Variants in CNTNAP5 observed in about 807,000 individuals in gnomAD.
CNTNAP5 encodes the protein contactin-associated protein-like 5.
CNTNAP5 carries 72 observed loss-of-function variants against 150.2 expected under a neutral mutation model. The ratio of observed to expected loss-of-function variants is 0.48; its 90% CI spans 0.40 to 0.58. CNTNAP5 has a LOEUF of 0.58. Ranked by LOEUF, CNTNAP5 falls within the 20% of genes least tolerant of loss-of-function variation. The probability of loss-of-function intolerance (pLI) is 0.00; values close to 1 mark genes in which losing one functional copy is unlikely to be tolerated. For missense variants in CNTNAP5, 1,636 were observed against 1,626.2 expected (o/e 1.01, Z -0.10); for synonymous variants, 672 against 619.8 (o/e 1.08, Z -1.25).
intron 12 of CNTNAP5, among the ~76,000 whole-genome samples, chr2:124,612,844 G>T (rs1199199370): frequency 6.6e-6 from 1 of 152,156 alleles, no homozygotes; most frequent in Non-Finnish European, 1.5e-5. Context: ...TTTGAGGTCA[G>T]GAGTTCGAGA....
intron 7 of CNTNAP5, among the ~76,000 whole-genome samples, chr2:124,479,932 G>A (rs983331120): frequency 1.3e-5 from 2 of 152,162 alleles, no homozygotes; most frequent in Non-Finnish European, 2.9e-5. Flanking sequence ...GATTAAATCT[G>A]CAATACCCTT....
At chr2:124,041,939 G>T (rs761402560) in intron 1 of CNTNAP5, among the ~76,000 whole-genome samples, 3 of 152,096 alleles carry the variant, frequency 2.0e-5, no homozygotes, top group Non-Finnish European at 4.4e-5. Context: ...TCACCTCACT[G>T]CAACCACCAT....
intron 3 of CNTNAP5, among the ~76,000 whole-genome samples, chr2:124,315,484 T>C (rs1057046993): frequency 6.6e-6 from 1 of 152,204 alleles, no homozygotes; most frequent in Non-Finnish European, 1.5e-5. Context: ...ACAAGGCTTC[T>C]GCTCGGCTAT....
intron 3 of CNTNAP5, among the ~76,000 whole-genome samples, chr2:124,330,731 C>T (rs1689329617): frequency 6.6e-6 from 1 of 151,822 alleles, no homozygotes; most frequent in South Asian, 2.1e-4. Flanking sequence ...AGCATGAGAA[C>T]AGACCAATAC....
At chr2:124,823,967 G>A (rs1682541533) in intron 19 of CNTNAP5, among the ~76,000 whole-genome samples, 1 of 148,206 alleles carries the variant, frequency 6.7e-6, no homozygotes, top group South Asian at 2.1e-4. Context: ...TTCCCAGGCT[G>A]AAGTGCAATG....
intron 8 of CNTNAP5, among the ~76,000 whole-genome samples, chr2:124,508,002 C>G (rs1398843701): frequency 1.3e-5 from 2 of 151,982 alleles, no homozygotes; most frequent in East Asian, 3.9e-4. Context: ...CAGCTTGTGT[C>G]CAAATGGAGG....
intron 17 of CNTNAP5, among the ~76,000 whole-genome samples, chr2:124,779,112 G>A (rs1350691016): frequency 6.6e-6 from 1 of 152,202 alleles, no homozygotes; most frequent in African/African-American, 2.4e-5. Flanking sequence ...TCTGTGGCTG[G>A]GAGTGCTGTT....
chr2:124,344,112 C>T (rs1348056148), intron 3 of CNTNAP5, among the ~76,000 whole-genome samples: 1 of 152,136 alleles, frequency 6.6e-6, no homozygotes, highest in Non-Finnish European at 1.5e-5. Flanking sequence ...CCCCACCTCC[C>T]AATGCAAACA....
At chr2:124,394,402 G>A (rs929903087) in intron 3 of CNTNAP5, among the ~76,000 whole-genome samples, 95 of 151,324 alleles carry the variant, frequency 6.3e-4, no homozygotes, top group African/African-American at 2.0e-3. Flanking sequence ...AAGAAAAAAG[G>A]TAATAAATAA....
chr2:124,185,697 T>C (rs992620388), intron 1 of CNTNAP5, among the ~76,000 whole-genome samples: 2 of 151,122 alleles, frequency 1.3e-5, no homozygotes, highest in African/African-American at 4.9e-5. Context: ...CAGGATAGGG[T>C]CTACCAATGA....
chr2:124,404,555 A>G (rs1403713489), intron 3 of CNTNAP5, among the ~76,000 whole-genome samples: 1 of 152,214 alleles, frequency 6.6e-6, no homozygotes, highest in East Asian at 1.9e-4. Context: ...AGGTTCTTCC[A>G]TTCATTAACC....
intron 3 of CNTNAP5, among the ~76,000 whole-genome samples, chr2:124,272,757 C>G (rs1052801452): frequency 6.6e-6 from 1 of 151,974 alleles, no homozygotes; most frequent in African/African-American, 2.4e-5. Flanking sequence ...TGTGCAACAC[C>G]AGTAATGAGG....
chr2:124,192,244 G>A (rs984224184), intron 1 of CNTNAP5, among the ~76,000 whole-genome samples: 8 of 152,136 alleles, frequency 5.3e-5, no homozygotes, highest in Non-Finnish European at 1.0e-4. Context: ...TGGGAAGAGT[G>A]GGTCAGAATG....
chr2:124,788,174 C>T (rs1342567759), intron 17 of CNTNAP5, among the ~76,000 whole-genome samples: 1 of 152,190 alleles, frequency 6.6e-6, no homozygotes, highest in African/African-American at 2.4e-5. Context: ...AAATAAATAC[C>T]TTCTAATGGG....
chr2:124,561,305 C>T (rs1048102863), intron 10 of CNTNAP5, among the ~76,000 whole-genome samples: 2 of 152,012 alleles, frequency 1.3e-5, no homozygotes, highest in African/African-American at 4.8e-5. Context: ...CAGTGCTAGC[C>T]CCCCAGGATC....
chr2:124,234,489 T>C (rs1686699243), intron 2 of CNTNAP5, among the ~76,000 whole-genome samples: 1 of 152,220 alleles, frequency 6.6e-6, no homozygotes, highest in East Asian at 1.9e-4. Flanking sequence ...AAATATTCAC[T>C]ACCATATTGA....
At chr2:124,344,933 G>A (rs902178781) in intron 3 of CNTNAP5, among the ~76,000 whole-genome samples, 1 of 152,160 alleles carries the variant, frequency 6.6e-6, no homozygotes, top group African/African-American at 2.4e-5. Context: ...CAACCTACAT[G>A]GCTACCAGTC....
At chr2:124,114,382 A>T (rs1413967878) in intron 1 of CNTNAP5, among the ~76,000 whole-genome samples, 1 of 152,022 alleles carries the variant, frequency 6.6e-6, no homozygotes, top group Non-Finnish European at 1.5e-5. Context: ...TTTTTATGAT[A>T]CATTATAAAT....
intron 8 of CNTNAP5, among the ~76,000 whole-genome samples, chr2:124,506,151 T>A (rs1363917870): frequency 6.6e-6 from 1 of 151,110 alleles, no homozygotes; most frequent in Non-Finnish European, 1.5e-5. Flanking sequence ...TGAATGTATA[T>A]TCTGCTCTGA....
Sources: allele counts gnomAD v4.1 joint callset (sites outside exome capture counted in the v4.1 genomes callset), GRCh38; gene constraint gnomAD v4.1.1; transcripts MANE v1.5; gene names NCBI Gene and HGNC (gene_info 2026-07-23, HGNC 2026-07-21).